The following RORB variants were observed in gnomAD, a reference collection of about 807,000 sequenced individuals.
RORB encodes RAR related orphan receptor B.
RORB carries 6 observed loss-of-function variants against 59.1 expected under a neutral mutation model. The ratio of observed to expected loss-of-function variants is 0.10; its 90% CI spans 0.06 to 0.20. RORB has a LOEUF of 0.20. RORB is among the 10% of genes least tolerant of loss of function. The probability of loss-of-function intolerance (pLI) is 1.00; values close to 1 mark genes in which losing one functional copy is unlikely to be tolerated. For synonymous variants in RORB, 215 were observed against 204.5 expected (o/e 1.05, Z -0.44); for missense variants, 320 against 560.5 (o/e 0.57, Z 4.33).
At chr9:74,600,549 C>A (rs574636651) in intron 1 of RORB, among the ~76,000 whole-genome samples, 3 of 152,280 alleles carry the variant, frequency 2.0e-5, no homozygotes, top group Admixed American at 1.3e-4. Flanking sequence ...CCACAATTGT[C>A]ATTTCAGATC....
intron 1 of RORB, among the ~76,000 whole-genome samples, chr9:74,604,064 A>C (rs1039321942): frequency 2.2e-5 from 3 of 137,230 alleles, no homozygotes; most frequent in Admixed American, 1.5e-4. Flanking sequence ...TTTTTCTCAC[A>C]TCCCTATAAT....
chr9:74,685,323 A>T (rs1179860168), intron 9 of RORB, 140 bp from the exon 10 acceptor site: 1 of 676,564 alleles, frequency 1.5e-6, no homozygotes, highest in Non-Finnish European at 2.4e-6. Context: ...AGAAAAGCTG[A>T]AAGTGCGCCT....
At chr9:74,572,058 C>T (rs1337224603) in intron 1 of RORB, among the ~76,000 whole-genome samples, 3 of 152,092 alleles carry the variant, frequency 2.0e-5, no homozygotes, top group Non-Finnish European at 2.9e-5. Flanking sequence ...CATAGCACCA[C>T]CTGAGATATT....
At chr9:74,576,106 G>C (rs562422457) in intron 1 of RORB, among the ~76,000 whole-genome samples, 1 of 152,200 alleles carries the variant, frequency 6.6e-6, no homozygotes, top group Non-Finnish European at 1.5e-5. Flanking sequence ...TCAAGTACAT[G>C]ATTAAGTTGC....
chr9:74,610,546 A>G (rs545082522), intron 1 of RORB, among the ~76,000 whole-genome samples: 1 of 152,212 alleles, frequency 6.6e-6, no homozygotes, highest in Non-Finnish European at 1.5e-5. Flanking sequence ...ATTAAATTAA[A>G]TTAATACCTA....
At chr9:74,586,255 T>C (rs1027267358) in intron 1 of RORB, among the ~76,000 whole-genome samples, 5 of 152,126 alleles carry the variant, frequency 3.3e-5, no homozygotes, top group Non-Finnish European at 7.4e-5. Context: ...CCCAGCACTT[T>C]GGGAGGCCAA....
intron 1 of RORB, among the ~76,000 whole-genome samples, chr9:74,563,342 C>A (rs757352151): frequency 6.6e-6 from 1 of 152,024 alleles, no homozygotes; most frequent in Non-Finnish European, 1.5e-5. Flanking sequence ...CCTGCCACCA[C>A]GCCTGACTAA....
intron 1 of RORB, among the ~76,000 whole-genome samples, chr9:74,620,413 T>C (rs1823393972): frequency 6.6e-6 from 1 of 152,172 alleles, no homozygotes; most frequent in African/African-American, 2.4e-5. Context: ...TTTTATTGTG[T>C]CTATTTGATT....
rs371962805 is a variant in RORB, at chr9:74,517,181, ATG to A, written c.7+19202_7+19203del. On this transcript the variant is annotated intron_variant, in intron 1 of 9. Coordinates refer to ENST00000376896, the MANE Select transcript of RORB (RefSeq NM_006914.4). Reference sequence around the variant, plus strand: ...TTTCAAATACACACCTGCAAAATGCATGTGTCATCTTTTAAAAAAACTGAAAT... The same window carrying A: ...TTTCAAATACACACCTGCAAAATGCATGTCATCTTTTAAAAAAACTGAAAT... 1.1e-3 allele frequency among the ~76,000 whole-genome samples: 174 copies of A among 152,158 alleles called. 1 individual carries two copies. The highest frequency in any genetic ancestry group is 3.8e-3 in the African/African-American group (157 of 41,540).
chr9:74,660,273 A>G (rs1824158347), intron 4 of RORB, among the ~76,000 whole-genome samples: 1 of 152,182 alleles, frequency 6.6e-6, no homozygotes, highest in African/African-American at 2.4e-5. Context: ...TATTTGGAGT[A>G]CAAGTGTTAA....
intron 4 of RORB, among the ~76,000 whole-genome samples, chr9:74,659,558 G>A (rs1390969195): frequency 6.6e-6 from 1 of 152,166 alleles, no homozygotes; most frequent in African/African-American, 2.4e-5. Context: ...CCAGACTGGA[G>A]TGCATTGGTG....
intron 1 of RORB, among the ~76,000 whole-genome samples, chr9:74,603,989 A>G (rs1823110287): frequency 1.3e-5 from 2 of 152,232 alleles, no homozygotes; most frequent in Admixed American, 6.5e-5. Context: ...TTCCACGTGA[A>G]CGGATCAGTG....
chr9:74,648,629 G>A (rs1823940210), intron 4 of RORB, among the ~76,000 whole-genome samples: 1 of 152,176 alleles, frequency 6.6e-6, no homozygotes, highest in Non-Finnish European at 1.5e-5. Context: ...CTTTCACTAA[G>A]TGAAATGACC....
At chr9:74,550,753 A>T (rs1389857826) in intron 1 of RORB, among the ~76,000 whole-genome samples, 1 of 152,216 alleles carries the variant, frequency 6.6e-6, no homozygotes, top group African/African-American at 2.4e-5. Context: ...CAGCCCAAAG[A>T]ATAAATATCT....
At chr9:74,588,149 T>C (rs1822831368) in intron 1 of RORB, among the ~76,000 whole-genome samples, 1 of 151,660 alleles carries the variant, frequency 6.6e-6, no homozygotes, top group South Asian at 2.1e-4. Context: ...GCGAGAAGAG[T>C]AGACTAAATT....
intron 7 of RORB, among the ~76,000 whole-genome samples, chr9:74,666,634 A>AATTTATCAT: frequency 6.6e-6 from 1 of 151,780 alleles, no homozygotes; most frequent in African/African-American, 2.4e-5. Context: ...TTCTTATGTC[A>AATTTATCAT]ATTTATCATC....
chr9:74,585,121 T>C (rs1822779225), intron 1 of RORB, among the ~76,000 whole-genome samples: 1 of 152,214 alleles, frequency 6.6e-6, no homozygotes, highest in South Asian at 2.1e-4. Flanking sequence ...AAATAACTAT[T>C]ATCTCAAATA....
chr9:74,685,329 C>T (rs878866255), intron 9 of RORB, 134 bp from the exon 10 acceptor site: 12 of 693,588 alleles, frequency 1.7e-5, no homozygotes, highest in South Asian at 6.1e-5. Flanking sequence ...GCTGAAAGTG[C>T]GCCTTCTTTC....
chr9:74,553,154 G>T (rs1826638138), intron 1 of RORB, among the ~76,000 whole-genome samples: 1 of 152,154 alleles, frequency 6.6e-6, no homozygotes, highest in South Asian at 2.1e-4. Context: ...GGGGCACGGA[G>T]CAGAAGTGGA....
Sources: allele counts gnomAD v4.1 joint callset (sites outside exome capture counted in the v4.1 genomes callset), GRCh38; gene constraint gnomAD v4.1.1; transcripts MANE v1.5; gene names NCBI Gene and HGNC (gene_info 2026-07-23, HGNC 2026-07-21).